BFSP1: variants seen among roughly 807,000 people sequenced by gnomAD.
BFSP1 encodes the protein filensin.
In BFSP1, 38 loss-of-function variants were observed where a neutral mutation model predicts 43.9. That is an observed-to-expected ratio of 0.87 (90% CI 0.67 to 1.14). The LOEUF is 1.14. Among genes scored for constraint, BFSP1 ranks in the 50% most tolerant of loss-of-function variants. The pLI is 0.00. For missense variants in BFSP1, 850 were observed against 875.1 expected (o/e 0.97, Z 0.36); for synonymous variants, 352 against 354.8 (o/e 0.99, Z 0.09).
Position 17,524,887 on chromosome 20 carries a change from A to G in BFSP1, c.399T>C (p.Cys133=). Residue 133 remains cysteine (C), a synonymous_variant, in exon 2 of 8, where the codon TGT becomes TGC. Transcript: ENST00000377873. Reference sequence around the variant, plus strand: ...CAAGCATTTCTTTTAGCAGGAGTTGACATTCGCACTCATTTTCATACCTGC... The same window carrying G: ...CAAGCATTTCTTTTAGCAGGAGTTGGCATTCGCACTCATTTTCATACCTGC... The part of the protein sequence containing the change: ...FRSKYENECE[C]QLLLKEMLER... 6.2e-6 allele frequency: 10 copies of G among 1,614,154 alleles called. No individual in the cohort carries two copies. The highest frequency in any genetic ancestry group is 7.6e-6 in the Non-Finnish European group (9 of 1,180,006).
rs2033576861 is a variant in BFSP1 at position 17,494,482 on chromosome 20, C to A, written c.1590G>T (p.Glu530Asp). The change falls in exon 8 of 8, where the codon GAG (glutamate) becomes GAT (aspartate). Residue 530 changes from glutamate (E) to aspartate (D), a missense_variant. By Grantham distance (45) the Glu-to-Asp change is conservative. Transcript: ENST00000377873. ...GGTCAATTGGTTGTCCATCTTCTTT[C>A]TCCTGCAGACCCACCTGCCCATTCT... The part of the protein sequence containing the change: ...PLENGQVGLQ[E>D]KEDGQPIDQQ... 6.2e-7 allele frequency: 1 copy of A among 1,614,236 alleles called. No individual in the cohort carries two copies. Among genetic ancestry groups the A allele is most frequent in the Non-Finnish European group, 8.5e-7 (1 of 1,180,044 alleles).
At chr20:17,501,520 CACCCCAG>C (rs1311215481) in intron 5 of BFSP1, among the ~76,000 whole-genome samples, 5,315 of 83,846 alleles carry the variant, frequency 0.063, 345 homozygotes, top group African/African-American at 0.2. Flanking sequence ...CATGCCACTG[CACCCCAG>C]ACTGGGTGAC....
At chr20:17,565,298 T>G (rs2035107054) in intron 1 of BFSP1, among the ~76,000 whole-genome samples, 1 of 152,208 alleles carries the variant, frequency 6.6e-6, no homozygotes, top group African/African-American at 2.4e-5. Flanking sequence ...AATATGTAAT[T>G]AGTGAAATAA....
chr20:17,524,148 T>C (rs6044861), intron 2 of BFSP1, among the ~76,000 whole-genome samples: 7,556 of 152,248 alleles, frequency 0.05, 244 homozygotes, highest in African/African-American at 0.088. Flanking sequence ...GGGCCATGCT[T>C]AAAGCTATGT....
In BFSP1 at chr20:17,520,937, A is replaced by C. The variant is rs371952139; in HGVS notation, c.438+3911T>G. Among the ~76,000 whole-genome samples, 15 of 152,306 alleles carry C rather than the reference A, an allele frequency of 9.8e-5. No homozygotes were observed. The South Asian group carries it at 1.5e-3, about 15-fold the overall frequency. On this transcript the variant is annotated intron_variant, in intron 2 of 7. Coordinates refer to ENST00000377873, the MANE Select transcript of BFSP1 (RefSeq NM_001195.5). ...TGAAAAAGTATATATGTCAGCCTTTAAATATTTTTAAAATTGTTTTTAAGT... is the reference window on the plus strand; with the variant it reads ...TGAAAAAGTATATATGTCAGCCTTTCAATATTTTTAAAATTGTTTTTAAGT...
At chr20:17,519,690 G>T (rs377376860) in intron 2 of BFSP1, among the ~76,000 whole-genome samples, 1 of 152,136 alleles carries the variant, frequency 6.6e-6, no homozygotes, top group Non-Finnish European at 1.5e-5. Flanking sequence ...CTTTATAACT[G>T]CTCATAGTGA....
chr20:17,559,763 C>A (rs1378578733), upstream of BFSP1, among the ~76,000 whole-genome samples: 1 of 152,058 alleles, frequency 6.6e-6, no homozygotes, highest in Non-Finnish European at 1.5e-5. Context: ...CTAACTAATG[C>A]CAGATGATCT....
In BFSP1 at chr20:17,524,860, T is replaced by A. The variant is rs2034387624; in HGVS notation, c.426A>T (p.Glu142Asp). The change falls in exon 2 of 8, where the codon GAA (glutamate) becomes GAT (aspartate). Residue 142 changes from glutamate to aspartate, a missense_variant. Physicochemically the swap from Glu to Asp is conservative, Grantham distance 45 (BLOSUM62 2). Transcript: ENST00000377873. ...GTGTTCCGCTCACCTTGTTAAGCCG[T>A]TCAAGCATTTCTTTTAGCAGGAGTT... ...ECQLLLKEML[E>D]RLNKEADEAL... 2 of 1,613,970 alleles carry A rather than the reference T, an allele frequency of 1.2e-6. No homozygotes were observed. The highest frequency in any genetic ancestry group is 1.7e-5 in the Admixed American group (1 of 59,998).
chr20:17,517,418 G>A, intron 2 of BFSP1: 1 of 693,060 alleles, frequency 1.4e-6, no homozygotes, highest in South Asian at 1.6e-5. Context: ...CAAGTAGCTG[G>A]GACTACAGGT....
upstream of BFSP1, chr20:17,560,597 AG>A (rs1907882004): frequency 6.6e-6 from 1 of 152,238 alleles, no homozygotes; most frequent in African/African-American, 2.4e-5. Flanking sequence ...AAAAATGTTC[AG>A]TTAGATTTGA....
intron 1 of BFSP1, among the ~76,000 whole-genome samples, chr20:17,555,288 C>CA (rs929219257): frequency 0.12 from 5,479 of 44,086 alleles, 361 homozygotes; most frequent in East Asian, 0.33. Context: ...TCCTATCTCA[C>CA]AAAAAAAAAA....
chr20:17,505,695 A>G (rs2033919732), intron 5 of BFSP1, among the ~76,000 whole-genome samples: 1 of 152,248 alleles, frequency 6.6e-6, no homozygotes. Context: ...CAGGGGGACC[A>G]GGTGGAACAT....
At chr20:17,555,251 C>T (rs1001287240) in intron 1 of BFSP1, among the ~76,000 whole-genome samples, 5 of 139,528 alleles carry the variant, frequency 3.6e-5, no homozygotes, top group African/African-American at 5.4e-5. Flanking sequence ...CGTGCTGTTG[C>T]GCTCCAGCCT....
intron 1 of BFSP1, among the ~76,000 whole-genome samples, chr20:17,527,203 T>C (rs2034439805): frequency 6.6e-6 from 1 of 152,274 alleles, no homozygotes; most frequent in Non-Finnish European, 1.5e-5. Flanking sequence ...ATCAGGATGT[T>C]ACATTTAGTA....
At chr20:17,496,815 C>A in intron 7 of BFSP1, 123 bp downstream of exon 7, 1 of 892,902 alleles carries the variant, frequency 1.1e-6, no homozygotes, top group Non-Finnish European at 1.6e-6. Context: ...AGTCCTCCTT[C>A]ACATAAAAGC....
chr20:17,549,628 G>A (rs919650985), intron 1 of BFSP1, among the ~76,000 whole-genome samples: 21 of 152,138 alleles, frequency 1.4e-4, no homozygotes, highest in African/African-American at 5.1e-4. Flanking sequence ...TTGAGGTCGG[G>A]AGTTCGAGAC....
chr20:17,516,126 C>T (rs1279336731), intron 2 of BFSP1, among the ~76,000 whole-genome samples: 2 of 152,006 alleles, frequency 1.3e-5, no homozygotes, highest in African/African-American at 2.4e-5. Context: ...GTCAGGAGTT[C>T]GAGACCAGCC....
rs115901456 is a variant in BFSP1 at position 17,495,332 on chromosome 20, T to C, written c.1043-303A>G. On this transcript the variant is annotated intron_variant, in intron 7 of 7. Coordinates refer to ENST00000377873, the MANE Select transcript of BFSP1 (RefSeq NM_001195.5). ...CCACACCAGGCAGAACCTACCAAGG[T>C]ATGCAAGGCCATTGTCCTGACACTC... is the stretch of plus-strand genomic sequence containing the variant. 3.5e-3 allele frequency among the ~76,000 whole-genome samples: 537 copies of C among 152,272 alleles called. 5 individuals are homozygous for C. Among genetic ancestry groups the C allele is most frequent in the African/African-American group, 0.012 (510 of 41,550 alleles).
At chr20:17,529,814 G>A (rs946344970) in intron 1 of BFSP1, among the ~76,000 whole-genome samples, 41 of 152,116 alleles carry the variant, frequency 2.7e-4, no homozygotes, top group African/African-American at 9.2e-4. Flanking sequence ...ACACCTGCTG[G>A]AGTGTACCTG....
Sources: gnomAD v4.1 joint callset for allele counts (sites outside exome capture counted in the v4.1 genomes callset) on GRCh38, gnomAD v4.1.1 for gene constraint, MANE v1.5 for transcripts, NCBI Gene and HGNC (gene_info 2026-07-23, HGNC 2026-07-21) for gene names.